The following DMD variants were observed in gnomAD, a reference collection of about 807,000 sequenced individuals.
DMD encodes mutant dystrophin.
A neutral mutation model predicts 330.1 loss-of-function variants in DMD; 63 were observed. That is an observed-to-expected ratio of 0.19 (90% CI 0.16 to 0.24). The LOEUF (loss-of-function observed/expected upper bound fraction) is 0.24, where lower values mean the gene tolerates loss of function less well. Ranked by LOEUF, DMD falls within the 10% of genes least tolerant of loss-of-function variation. The pLI, the probability that DMD is intolerant of heterozygous loss-of-function variation, is 1.00. For missense variants in DMD, 3,344 were observed against 2,684.1 expected, an observed-to-expected ratio of 1.25 and a Z score of -5.43; for synonymous variants, 1,223 against 959.8, an observed-to-expected ratio of 1.27 and a Z score of -5.07.
At chrX:32,229,825 C>A (rs990030397) in intron 43 of DMD, among the ~76,000 whole-genome samples, 2 of 102,684 alleles carry the variant, frequency 1.9e-5, no homozygotes, top group Admixed American at 1.1e-4. Context: ...CTCTTGTCCC[C>A]TTTATTATTG....
intron 1 of DMD, among the ~76,000 whole-genome samples, chrX:33,051,824 T>C (rs1331123902): frequency 9.2e-6 from 1 of 108,877 alleles, no homozygotes; most frequent in Non-Finnish European, 1.9e-5. Context: ...AATTTTTGTA[T>C]TTTTAGTAGA....
intron 1 of DMD, among the ~76,000 whole-genome samples, chrX:33,146,088 A>C (rs962147749): frequency 8.2e-5 from 9 of 109,533 alleles, no homozygotes; most frequent in South Asian, 3.9e-4. Context: ...TAGAGACGGG[A>C]TTTCACCATA....
At chrX:33,249,350 C>T (rs1414754789) in intron 1 of DMD, among the ~76,000 whole-genome samples, 1 of 111,053 alleles carries the variant, frequency 9.0e-6, no homozygotes, top group African/African-American at 3.3e-5. Flanking sequence ...CGGGTTTCAC[C>T]ACGTTGGCCA....
intron 2 of DMD, among the ~76,000 whole-genome samples, chrX:32,912,463 C>G (rs1003332791): frequency 1.8e-5 from 2 of 110,436 alleles, no homozygotes; most frequent in Non-Finnish European, 3.8e-5. Flanking sequence ...AATCCCACTC[C>G]TACATGTATA....
intron 50 of DMD, among the ~76,000 whole-genome samples, chrX:31,805,498 T>C (rs750751682): frequency 1.8e-5 from 2 of 112,351 alleles, no homozygotes; most frequent in South Asian, 3.7e-4. Flanking sequence ...ATGGGACTTA[T>C]AGTCATGAGA....
intron 50 of DMD, among the ~76,000 whole-genome samples, chrX:31,779,796 A>T (rs2065285926): frequency 9.0e-6 from 1 of 110,818 alleles, no homozygotes; most frequent in African/African-American, 3.3e-5. Flanking sequence ...GTAGCATAAT[A>T]CCTTTCTCAT....
At chrX:32,580,113 A>G (rs2053500466) in intron 13 of DMD, among the ~76,000 whole-genome samples, 1 of 109,916 alleles carries the variant, frequency 9.1e-6, no homozygotes, top group Non-Finnish European at 1.9e-5. Flanking sequence ...AGTTCTAAGG[A>G]GCATTCCAGC....
intron 1 of DMD, among the ~76,000 whole-genome samples, chrX:33,101,752 A>C (rs747608189): frequency 8.9e-6 from 1 of 112,881 alleles, no homozygotes; most frequent in Non-Finnish European, 1.9e-5. Context: ...ATAATTAATA[A>C]ATGTTTATTC....
At chrX:32,764,683 A>T (rs1480438345) in intron 7 of DMD, among the ~76,000 whole-genome samples, 7 of 112,011 alleles carry the variant, frequency 6.2e-5, no homozygotes, top group African/African-American at 2.3e-4. Flanking sequence ...TTATCCATTC[A>T]TCTTCAGATG....
chrX:32,771,596 T>C (rs1010984356), intron 7 of DMD, among the ~76,000 whole-genome samples: 5 of 111,513 alleles, frequency 4.5e-5, no homozygotes, highest in African/African-American at 6.5e-5. Flanking sequence ...GCTGTGATTA[T>C]GTCTTTGCAA....
intron 2 of DMD, among the ~76,000 whole-genome samples, chrX:32,904,978 T>A (rs1035209699): frequency 2.7e-5 from 3 of 112,448 alleles, no homozygotes; most frequent in African/African-American, 9.7e-5. Context: ...CTCCACTCTT[T>A]TGCTAGGTTT....
chrX:32,955,794 A>G (rs1449462542), intron 2 of DMD, among the ~76,000 whole-genome samples: 1 of 112,099 alleles, frequency 8.9e-6, no homozygotes, highest in African/African-American at 3.2e-5. Flanking sequence ...TTGAATAGGT[A>G]GTCCTTTCCC....
intron 21 of DMD, among the ~76,000 whole-genome samples, chrX:32,478,225 A>G (rs1399106071): frequency 9.0e-6 from 1 of 111,264 alleles, no homozygotes; most frequent in Admixed American, 9.6e-5. Context: ...AATCGAGTCC[A>G]ATTTGAATTC....
rs369983051 is a variant in DMD, at chrX:31,656,305, A to G, written c.8027+1685T>C. On this transcript the variant is annotated intron_variant, in intron 54 of 78. Transcript: ENST00000357033. ...TTTTTGGAACCAAGCCAAAAAATAT[A>G]AACTGGAAGTCATTCCCATGAAGAA... is the stretch of plus-strand genomic sequence containing the variant. Among the ~76,000 whole-genome samples, 19 of 112,400 alleles carry G rather than the reference A, an allele frequency of 1.7e-4. No homozygotes were observed. The South Asian group carries it at 6.7e-3, about 39-fold the overall frequency.
intron 67 of DMD, among the ~76,000 whole-genome samples, chrX:31,192,377 C>T (rs751510182): frequency 1.7e-4 from 19 of 112,149 alleles, no homozygotes; most frequent in African/African-American, 4.2e-4. Context: ...AGTGTACGGA[C>T]GCAAGGGATC....
intron 62 of DMD, chrX:31,266,811 CT>C (rs2147752004): frequency 8.3e-7 from 1 of 1,206,838 alleles, no homozygotes; most frequent in Non-Finnish European, 1.1e-6. Flanking sequence ...TCCACTTACC[CT>C]TTGAGCTGTT....
chrX:32,588,333 A>G (rs536606418), intron 13 of DMD, among the ~76,000 whole-genome samples: 3 of 112,228 alleles, frequency 2.7e-5, no homozygotes, highest in African/African-American at 9.7e-5. Context: ...GGCCAATTTC[A>G]TGGAGGAAAA....
chrX:31,893,834 C>T (rs2094293437), intron 47 of DMD, among the ~76,000 whole-genome samples: 1 of 111,463 alleles, frequency 9.0e-6, no homozygotes. Flanking sequence ...CTTATAGAAT[C>T]CGAGGGCCTT....
intron 42 of DMD, among the ~76,000 whole-genome samples, chrX:32,301,184 T>A (rs1357209253): frequency 1.0e-5 from 1 of 100,489 alleles, no homozygotes; most frequent in Non-Finnish European, 2.0e-5. Flanking sequence ...GCAAAATCGC[T>A]CTTTCATACA....
Sources: gnomAD v4.1 joint callset for allele counts (sites outside exome capture counted in the v4.1 genomes callset) on GRCh38, gnomAD v4.1.1 for gene constraint, MANE v1.5 for transcripts, NCBI Gene and HGNC (gene_info 2026-07-23, HGNC 2026-07-21) for gene names.